KCNK9: variants seen among roughly 807,000 people sequenced by gnomAD.
KCNK9 encodes potassium channel subfamily K member 9.
Under a neutral mutation model 10.8 loss-of-function variants are expected in KCNK9, and 1 was observed. The observed-to-expected ratio is 0.09, with a 90% CI of 0.03 to 0.44. The LOEUF (loss-of-function observed/expected upper bound fraction) is 0.44, where lower values mean the gene tolerates loss of function less well. KCNK9 is among the 20% of genes least tolerant of loss of function. The probability of loss-of-function intolerance (pLI) is 0.97; values close to 1 mark genes in which losing one functional copy is unlikely to be tolerated. For missense variants in KCNK9, 303 were observed against 515.0 expected (o/e 0.59, Z 3.98); for synonymous variants, 231 against 222.7 (o/e 1.04, Z -0.33).
intron 1 of KCNK9, among the ~76,000 whole-genome samples, chr8:139,627,487 G>C (rs1458976825): frequency 1.3e-5 from 2 of 152,182 alleles, no homozygotes; most frequent in South Asian, 4.1e-4. Flanking sequence ...AGCTCCTGCA[G>C]TCATTTCACT....
Position 139,696,861 on chromosome 8 carries a change from G to A in KCNK9, c.283+5849C>T, listed in dbSNP as rs185504824. On this transcript the variant is annotated intron_variant, in intron 1 of 1. Transcript: ENST00000520439. ...GATAGATGGATGAGTGGGTGGGTGG[G>A]TAGGTAGATGGGTAGGTGGATGGAT... is the stretch of plus-strand genomic sequence containing the variant. Among the ~76,000 whole-genome samples the A allele has an allele frequency of 2.3e-4, 35 of 149,914 alleles. No individual in the cohort carries two copies. The East Asian group carries it at 7.0e-3, about 30-fold the overall frequency.
rs1289055955 is a variant in KCNK9 at position 139,618,599 on chromosome 8, C to T, written c.784G>A (p.Ala262Thr). ...EDERRDAEERASLAGNRNSMV... is the reference protein window; with the variant it reads ...EDERRDAEERTSLAGNRNSMV... ...CTGTTGCGGTTTCCGGCGAGGGATG[C>T]CCTCTCTTCAGCATCCCGCCGCTCA... The change falls in exon 2 of 2, where the codon GCA becomes ACA. Residue 262 changes from alanine to threonine, a missense_variant. Transcript: ENST00000520439. The surrounding 1 kb of genome is among the most constrained non-coding windows in gnomAD (Gnocchi z 7.9). The T allele has an allele frequency of 3.1e-6, 5 of 1,613,766 alleles. No homozygotes were observed. In the African/African-American group the frequency reaches 6.7e-5, roughly 22 times the overall value.
At chr8:139,678,387 C>T (rs1013911725) in intron 1 of KCNK9, among the ~76,000 whole-genome samples, 10 of 152,302 alleles carry the variant, frequency 6.6e-5, no homozygotes, top group African/African-American at 2.4e-4. Context: ...ACCACAGCCC[C>T]GTGTCCACCC....
At chr8:139,689,595 CAA>C (rs1816891805) in intron 1 of KCNK9, among the ~76,000 whole-genome samples, 1 of 151,586 alleles carries the variant, frequency 6.6e-6, no homozygotes, top group South Asian at 2.1e-4. Flanking sequence ...AGTGTCATGG[CAA>C]AAGAGTCGTC....
At chr8:139,675,501 T>G (rs1816528706) in intron 1 of KCNK9, among the ~76,000 whole-genome samples, 1 of 152,144 alleles carries the variant, frequency 6.6e-6, no homozygotes, top group African/African-American at 2.4e-5. Context: ...TCACTCTTTC[T>G]CCACCACATG....
chr8:139,665,965 G>A (rs1004720468), intron 1 of KCNK9, among the ~76,000 whole-genome samples: 4 of 152,180 alleles, frequency 2.6e-5, no homozygotes, highest in Admixed American at 6.5e-5. Context: ...ATCAACACCC[G>A]CCACACAGCA....
chr8:139,683,229 C>T (rs917259831), intron 1 of KCNK9, among the ~76,000 whole-genome samples: 1 of 152,122 alleles, frequency 6.6e-6, no homozygotes, highest in Non-Finnish European at 1.5e-5. Context: ...TCTCCCCTGC[C>T]AGACGAGGGT....
chr8:139,618,177 A>T lies in KCNK9; in HGVS notation c.*81T>A. On this transcript the variant is annotated 3_prime_UTR_variant, in exon 2 of 2. Transcript: ENST00000520439. The surrounding 1 kb of genome is among the most constrained non-coding windows in gnomAD (Gnocchi z 7.9). Reference sequence around the variant, plus strand: ...TGATGACAATAATAATAATAAATAAATAAGAAAAGACGAGTTGGACCAATG... The same window carrying T: ...TGATGACAATAATAATAATAAATAATTAAGAAAAGACGAGTTGGACCAATG... 6.5e-7 allele frequency: 1 copy of T among 1,534,506 alleles called. No homozygotes were observed. The highest frequency in any genetic ancestry group is 9.0e-7 in the Non-Finnish European group (1 of 1,114,714).
chr8:139,691,993 C>G (rs1031528019), intron 1 of KCNK9, among the ~76,000 whole-genome samples: 6 of 152,196 alleles, frequency 3.9e-5, no homozygotes, highest in Admixed American at 2.0e-4. Flanking sequence ...GCAGGCTCAG[C>G]TGGCACACGC....
At chr8:139,691,805 C>T in intron 1 of KCNK9, among the ~76,000 whole-genome samples, 1 of 152,166 alleles carries the variant, frequency 6.6e-6, no homozygotes, top group East Asian at 1.9e-4. Flanking sequence ...GTGGGCACCT[C>T]CCAATACCTG....
At chr8:139,643,994 G>A (rs535995119) in intron 1 of KCNK9, among the ~76,000 whole-genome samples, 1 of 152,310 alleles carries the variant, frequency 6.6e-6, no homozygotes, top group East Asian at 1.9e-4. Context: ...GGTGATTGTG[G>A]TCCCCACCTC....
At chr8:139,638,883 G>A (rs1054103495) in intron 1 of KCNK9, among the ~76,000 whole-genome samples, 3 of 152,188 alleles carry the variant, frequency 2.0e-5, no homozygotes, top group African/African-American at 7.2e-5. Context: ...GAGGCCTGGA[G>A]CGAGTCCACC....
chr8:139,602,838 A>G (rs183322579), intron 2 of KCNK9, among the ~76,000 whole-genome samples: 24 of 152,276 alleles, frequency 1.6e-4, no homozygotes, highest in Admixed American at 7.2e-4. Flanking sequence ...TGTGGCTCTT[A>G]ATTGATAGGA....
chr8:139,678,925 C>T (rs1816621556), intron 1 of KCNK9, among the ~76,000 whole-genome samples: 1 of 152,264 alleles, frequency 6.6e-6, no homozygotes, highest in Non-Finnish European at 1.5e-5. Context: ...TACACAGTGG[C>T]AAGACCAGAC....
intron 1 of KCNK9, among the ~76,000 whole-genome samples, chr8:139,690,280 C>T (rs758747932): frequency 3.9e-5 from 6 of 152,092 alleles, no homozygotes; most frequent in South Asian, 2.1e-4. Context: ...ATCTGTAAAA[C>T]GGGGATACAT....
rs1814626471 is a variant in KCNK9 at position 139,617,230 on chromosome 8, C to T, written c.*1028G>A. Among the ~76,000 whole-genome samples the T allele has an allele frequency of 6.6e-6, 1 of 152,218 alleles. No homozygotes were observed. Reference sequence around the variant, plus strand: ...CCATTCTCACCCAAGCATTCCAACACTATAATTCTTATTTATGCAGGGTAG... The same window carrying T: ...CCATTCTCACCCAAGCATTCCAACATTATAATTCTTATTTATGCAGGGTAG... On this transcript the variant is annotated 3_prime_UTR_variant, in exon 2 of 2. Coordinates refer to ENST00000520439, the MANE Select transcript of KCNK9 (RefSeq NM_001282534.2).
At chr8:139,626,461 GGTGGA>G (rs1468082822) in intron 1 of KCNK9, among the ~76,000 whole-genome samples, 1 of 152,200 alleles carries the variant, frequency 6.6e-6, no homozygotes, top group Non-Finnish European at 1.5e-5. Flanking sequence ...ACTGCAGTGG[GGTGGA>G]GTGGAGGAGC....
At chr8:139,690,709 G>A (rs1274014527) in intron 1 of KCNK9, among the ~76,000 whole-genome samples, 1 of 152,050 alleles carries the variant, frequency 6.6e-6, no homozygotes, top group Non-Finnish European at 1.5e-5. Context: ...ACAGGCTGTG[G>A]GTGTAATGGA....
chr8:139,653,917 G>A (rs984848554), intron 1 of KCNK9, among the ~76,000 whole-genome samples: 23 of 152,218 alleles, frequency 1.5e-4, no homozygotes, highest in African/African-American at 5.5e-4. Flanking sequence ...AAACCCCAGA[G>A]CCTCAGAGCA....
Sources: gnomAD v4.1 joint callset for allele counts (sites outside exome capture counted in the v4.1 genomes callset) on GRCh38, gnomAD v4.1.1 for gene constraint, Gnocchi (gnomAD v3.1) non-coding constraint, MANE v1.5 for transcripts, NCBI Gene and HGNC (gene_info 2026-07-23, HGNC 2026-07-21) for gene names.